Variants in ADAMTS9 observed in about 807,000 individuals in gnomAD.
The protein encoded by ADAMTS9 is A disintegrin and metalloproteinase with thrombospondin motifs 9.
In ADAMTS9, 107 loss-of-function variants were observed where a neutral mutation model predicts 257.1. The observed-to-expected ratio is 0.42, with a 90% confidence interval of 0.36 to 0.49. The LOEUF (loss-of-function observed/expected upper bound fraction) is 0.49. Among genes scored for constraint, ADAMTS9 ranks in the 20% least tolerant of loss-of-function variants. ADAMTS9 has a pLI of 0.03. For synonymous variants in ADAMTS9, 982 were observed against 880.9 expected, an observed-to-expected ratio of 1.11 and a Z score of -2.03; for missense variants, 2,353 against 2,469.1, an observed-to-expected ratio of 0.95 and a Z score of 1.00.
Position 64,622,438 on chromosome 3 carries a change from C to T in ADAMTS9, c.2538G>A (p.Glu846=), listed in dbSNP as rs761155209. 6.2e-7 allele frequency: 1 copy of T among 1,613,928 alleles called. No individual in the cohort carries two copies. The highest frequency in any genetic ancestry group is 8.5e-7 in the Non-Finnish European group (1 of 1,179,948). Residue 846 remains glutamate, a synonymous_variant, in exon 17 of 40, where the codon GAG becomes GAA. Transcript: ENST00000498707. ...TTTTTACCTGAAGCAAAAGTTCTTG[C>T]TCAATGCGATCTGTTGAGTTAATTC... ...VERINSTDRI[E]QELLLQVLSV...
intron 38 of ADAMTS9, among the ~76,000 whole-genome samples, chr3:64,531,470 T>C (rs1242618185): frequency 1.4e-5 from 2 of 139,526 alleles, no homozygotes; most frequent in African/African-American, 5.2e-5. Context: ...ATTGTGTACT[T>C]AAAAAAAAAA....
At chr3:64,607,550 C>T (rs543313339) in intron 22 of ADAMTS9, among the ~76,000 whole-genome samples, 6 of 152,224 alleles carry the variant, frequency 3.9e-5, no homozygotes, top group African/African-American at 1.4e-4. Context: ...AGTTCAATAT[C>T]ACAGCATACA....
chr3:64,666,524 T>G (rs1701357392), intron 3 of ADAMTS9, among the ~76,000 whole-genome samples: 1 of 152,200 alleles, frequency 6.6e-6, no homozygotes, highest in Non-Finnish European at 1.5e-5. Context: ...GGTGTTCCAC[T>G]TGGATTCTGG....
chr3:64,586,843 C>T (rs2084167322), intron 28 of ADAMTS9: 1 of 152,084 alleles, frequency 6.6e-6, no homozygotes, highest in South Asian at 2.1e-4. Context: ...TCTGCTCAAC[C>T]TTCACCTACT....
In ADAMTS9 at chr3:64,519,581, A is replaced by G. The variant is rs1177934760; in HGVS notation, c.*6-2460T>C. ...ACTAGCAAACTGAATCCAGCAACAT[A>G]CCAAAAAGATAATCTACCATGATCG... is the stretch of plus-strand genomic sequence containing the variant. On this transcript the variant is annotated intron_variant, in intron 39 of 39. Coordinates refer to ENST00000498707, the MANE Select transcript of ADAMTS9 (RefSeq NM_182920.2). 2.0e-5 allele frequency among the ~76,000 whole-genome samples: 3 copies of G among 152,220 alleles called. No homozygotes were observed. In the East Asian group the frequency reaches 5.8e-4, roughly 29 times the overall value.
rs1406317576 is a variant in ADAMTS9 at position 64,516,354 on chromosome 3, A to G, written c.*773T>C. On this transcript the variant is annotated 3_prime_UTR_variant, in exon 40 of 40. Coordinates refer to ENST00000498707, the MANE Select transcript of ADAMTS9 (RefSeq NM_182920.2). Reference sequence around the variant, plus strand: ...TGGGCTGAAGCAACGAATATTAACAACACTAACAACAATAAGGATAAAGTC... The same window carrying G: ...TGGGCTGAAGCAACGAATATTAACAGCACTAACAACAATAAGGATAAAGTC... 6.6e-6 allele frequency: 1 copy of G among 152,614 alleles called. No homozygotes were observed. The highest frequency in any genetic ancestry group is 1.5e-5 in the Non-Finnish European group (1 of 68,028). The allele number at this position is 152,614 out of a possible 1,614,324, so 9.5% of individuals were successfully genotyped here.
chr3:64,623,277 C>T (rs1174618050), intron 16 of ADAMTS9, among the ~76,000 whole-genome samples: 3 of 152,210 alleles, frequency 2.0e-5, no homozygotes, highest in Admixed American at 6.5e-5. Context: ...GGCACTTTGG[C>T]TCTGCCTTGC....
intron 21 of ADAMTS9, 54 bp downstream of exon 21, chr3:64,615,267 C>A: frequency 1.3e-6 from 2 of 1,581,552 alleles, no homozygotes; most frequent in South Asian, 1.2e-5. Flanking sequence ...TAGAGAGCAC[C>A]AGAACTAGAA....
chr3:64,537,889 T>A (rs138001567), intron 37 of ADAMTS9, among the ~76,000 whole-genome samples: 506 of 152,336 alleles, frequency 3.3e-3, no homozygotes, highest in African/African-American at 0.012. Flanking sequence ...AACGTCTGCT[T>A]TGCAAAATTA....
intron 30 of ADAMTS9, among the ~76,000 whole-genome samples, chr3:64,556,232 T>C (rs535024154): frequency 2.6e-5 from 4 of 152,176 alleles, no homozygotes; most frequent in Non-Finnish European, 5.9e-5. Flanking sequence ...GTCAGACATA[T>C]CTGAGCACAG....
chr3:64,586,462 A>G (rs2084156026), intron 28 of ADAMTS9, among the ~76,000 whole-genome samples: 1 of 152,132 alleles, frequency 6.6e-6, no homozygotes, highest in South Asian at 2.1e-4. Context: ...TTCTCATTTT[A>G]GTGCATAGTC....
At chr3:64,610,562 A>G (rs1255469909) in intron 22 of ADAMTS9, among the ~76,000 whole-genome samples, 2 of 152,202 alleles carry the variant, frequency 1.3e-5, no homozygotes, top group Admixed American at 1.3e-4. Context: ...AGGAAGATAT[A>G]TTCAAATGAC....
In ADAMTS9 at chr3:64,654,359, C is replaced by T; in HGVS notation, c.1310G>A (p.Gly437Asp). Residue 437 changes from glycine to aspartate, a missense_variant, in exon 8 of 40, where the codon GGC becomes GAC. By Grantham distance (94) the Gly-to-Asp change is moderately conservative. Transcript: ENST00000498707. Reference sequence around the variant, plus strand: ...TTACTGAAAGGTAACTCACACATGGCCCAGCTCATGGGCGATCGTAAAAGC... The same window carrying T: ...TTACTGAAAGGTAACTCACACATGGTCCAGCTCATGGGCGATCGTAAAAGC... ...STAFTIAHEL[G>D]HVFNMPHDDN... 1 of 1,613,412 alleles carries T rather than the reference C, an allele frequency of 6.2e-7. No individual in the cohort carries two copies. The highest frequency in any genetic ancestry group is 8.5e-7 in the Non-Finnish European group (1 of 1,179,768).
At chr3:64,578,143 T>C (rs2083901208) in intron 28 of ADAMTS9, among the ~76,000 whole-genome samples, 1 of 152,178 alleles carries the variant, frequency 6.6e-6, no homozygotes, top group Non-Finnish European at 1.5e-5. Context: ...GGGATAAAGG[T>C]CATTTTAACC....
intron 38 of ADAMTS9, among the ~76,000 whole-genome samples, chr3:64,532,905 G>C (rs1267850822): frequency 6.6e-6 from 1 of 152,126 alleles, no homozygotes; most frequent in African/African-American, 2.4e-5. Flanking sequence ...CTGGTTAGGT[G>C]GTTTTTCTAA....
intron 8 of ADAMTS9, among the ~76,000 whole-genome samples, chr3:64,653,214 T>C (rs903244337): frequency 2.0e-5 from 3 of 152,134 alleles, no homozygotes; most frequent in African/African-American, 7.2e-5. Flanking sequence ...GCCACTAAGC[T>C]GGGGAAGCTG....
chr3:64,561,795 T>A (rs755864267), intron 29 of ADAMTS9, 44 bp from the exon 30 acceptor site: 1 of 1,391,130 alleles, frequency 7.2e-7, no homozygotes, highest in Admixed American at 1.8e-5. Context: ...GCTCATTTAT[T>A]TTTTGGGGGG....
chr3:64,621,555 T>A (rs1447637118), intron 18 of ADAMTS9, among the ~76,000 whole-genome samples: 1 of 151,998 alleles, frequency 6.6e-6, no homozygotes. Context: ...TGAGGTCAGA[T>A]GTTTGAGAAC....
chr3:64,622,381 C>T (rs1397218874), intron 17 of ADAMTS9, 39 bp downstream of exon 17: 4 of 1,612,450 alleles, frequency 2.5e-6, no homozygotes, highest in Non-Finnish European at 3.4e-6. Flanking sequence ...TAATGCCAAG[C>T]AGAAGAAAAG....
Sources: allele counts gnomAD v4.1 joint callset (sites outside exome capture counted in the v4.1 genomes callset), GRCh38; gene constraint gnomAD v4.1.1; transcripts MANE v1.5; gene names NCBI Gene and HGNC (gene_info 2026-07-23, HGNC 2026-07-21).